CADM2: variants seen among roughly 807,000 people sequenced by gnomAD.
CADM2 encodes cell adhesion molecule 2, also known as immunoglobulin superfamily member 4D.
CADM2 carries 12 observed loss-of-function variants against 49.8 expected under a neutral mutation model. That is an observed-to-expected ratio of 0.24 (90% CI 0.15 to 0.39). The LOEUF is 0.39. CADM2 is among the 10% of genes least tolerant of loss of function. CADM2 has a pLI of 1.00. For missense variants in CADM2, 378 were observed against 492.3 expected (o/e 0.77, Z 2.20); for synonymous variants, 214 against 175.4 (o/e 1.22, Z -1.74).
chr3:85,819,591 T>C (rs1178988492), intron 3 of CADM2, among the ~76,000 whole-genome samples: 1 of 152,132 alleles, frequency 6.6e-6, no homozygotes, highest in Non-Finnish European at 1.5e-5. Flanking sequence ...CATCCATTTA[T>C]GGTAGAGAAG....
chr3:86,027,044 A>C (rs1030082244), intron 8 of CADM2, among the ~76,000 whole-genome samples: 28 of 152,208 alleles, frequency 1.8e-4, no homozygotes, highest in African/African-American at 6.8e-4. Flanking sequence ...ACAATTCAGA[A>C]GGAAGAATAA....
intron 1 of CADM2, among the ~76,000 whole-genome samples, chr3:85,570,345 G>C (rs2062439486): frequency 6.6e-6 from 1 of 151,976 alleles, no homozygotes; most frequent in Admixed American, 6.6e-5. Flanking sequence ...AAATATTACA[G>C]AGGAAATCTT....
intron 8 of CADM2, chr3:86,013,841 T>C (rs1026069446): frequency 4.5e-5 from 71 of 1,591,664 alleles, no homozygotes; most frequent in Non-Finnish European, 5.9e-5. Flanking sequence ...TTGTGTCTAG[T>C]GGATTTTCTT....
intron 1 of CADM2, among the ~76,000 whole-genome samples, chr3:85,530,611 G>A (rs1181134796): frequency 6.6e-6 from 1 of 151,984 alleles, no homozygotes. Context: ...TTACAGGCGT[G>A]AGCCACTGCG....
At chr3:85,816,261 C>T (rs1391144408) in intron 3 of CADM2, among the ~76,000 whole-genome samples, 1 of 150,140 alleles carries the variant, frequency 6.7e-6, no homozygotes, top group South Asian at 2.1e-4. Context: ...AAACTTAGCT[C>T]TAGAGCACCA....
At chr3:85,315,256 T>G in intron 1 of CADM2, among the ~76,000 whole-genome samples, 1 of 152,182 alleles carries the variant, frequency 6.6e-6, no homozygotes, top group East Asian at 1.9e-4. Flanking sequence ...CTTGAAAGTA[T>G]TCTCCCCTCT....
chr3:85,978,058 G>T (rs1462057110), intron 8 of CADM2, among the ~76,000 whole-genome samples: 1 of 151,546 alleles, frequency 6.6e-6, no homozygotes, highest in African/African-American at 2.4e-5. Context: ...ATATATGAGG[G>T]CTATGTGACA....
At chr3:85,645,578 G>A (rs1237104523) in intron 1 of CADM2, among the ~76,000 whole-genome samples, 1 of 151,004 alleles carries the variant, frequency 6.6e-6, no homozygotes. Flanking sequence ...TAATTTTAAG[G>A]GTATATTTAC....
chr3:86,056,793 C>G (rs1738041234), intron 8 of CADM2, among the ~76,000 whole-genome samples: 1 of 152,084 alleles, frequency 6.6e-6, no homozygotes, highest in Non-Finnish European at 1.5e-5. Flanking sequence ...TAGTATGGCC[C>G]AAAACGTTGT....
At chr3:85,361,054 A>G (rs72905427) in intron 1 of CADM2, among the ~76,000 whole-genome samples, 6,051 of 152,244 alleles carry the variant, frequency 0.04, 408 homozygotes, top group African/African-American at 0.14. Flanking sequence ...CATCAGAAAA[A>G]ACGTGTGTCA....
chr3:85,540,075 C>T (rs373112211), intron 1 of CADM2, among the ~76,000 whole-genome samples: 4 of 152,052 alleles, frequency 2.6e-5, no homozygotes, highest in East Asian at 1.9e-4. Context: ...TCTATTCTCC[C>T]GTAAGTGCGA....
chr3:85,043,751 C>T (rs1480837423), intron 1 of CADM2, among the ~76,000 whole-genome samples: 4 of 152,066 alleles, frequency 2.6e-5, no homozygotes, highest in Non-Finnish European at 5.9e-5. Flanking sequence ...CCAATACTGT[C>T]TTCCTTTTCT....
chr3:85,586,963 G>T (rs2062962073), intron 1 of CADM2, among the ~76,000 whole-genome samples: 1 of 152,028 alleles, frequency 6.6e-6, no homozygotes, highest in Non-Finnish European at 1.5e-5. Flanking sequence ...TTGCCACATG[G>T]AGATTCCAGT....
rs577554710 is a variant in CADM2, at chr3:86,027,343, A to G, written c.971-38262A>G. On this transcript the variant is annotated intron_variant, in intron 8 of 9. Coordinates refer to ENST00000383699, the MANE Select transcript of CADM2 (RefSeq NM_001167675.2). Reference sequence around the variant, plus strand: ...TATTGGAAGGCAAAAGTATTTTCCCATTATGTAATGTTATTTATAAACCAA... The same window carrying G: ...TATTGGAAGGCAAAAGTATTTTCCCGTTATGTAATGTTATTTATAAACCAA... Among the ~76,000 whole-genome samples the G allele has an allele frequency of 2.0e-5, 3 of 152,290 alleles. No individual in the cohort carries two copies. In the South Asian group the frequency reaches 6.2e-4, roughly 32 times the overall value.
chr3:85,452,457 T>C (rs960209313), intron 1 of CADM2, among the ~76,000 whole-genome samples: 1 of 152,118 alleles, frequency 6.6e-6, no homozygotes, highest in Non-Finnish European at 1.5e-5. Flanking sequence ...ATAATTACAA[T>C]AGTACTGGCT....
chr3:85,359,666 A>ATATATATATATTTTTTTTT, intron 1 of CADM2, among the ~76,000 whole-genome samples: 9 of 26,554 alleles, frequency 3.4e-4, no homozygotes, highest in Admixed American at 5.8e-4. Context: ...ATATATATAT[A>ATATATATATATTTTTTTTT]TTTTTTTTTT....
intron 1 of CADM2, among the ~76,000 whole-genome samples, chr3:85,231,619 A>T (rs2042290474): frequency 6.6e-6 from 1 of 151,656 alleles, no homozygotes; most frequent in Admixed American, 6.6e-5. Context: ...AATAAAAGAG[A>T]TATAGATGGA....
chr3:85,100,452 A>T (rs1191333629), intron 1 of CADM2, among the ~76,000 whole-genome samples: 1 of 152,188 alleles, frequency 6.6e-6, no homozygotes, highest in African/African-American at 2.4e-5. Flanking sequence ...ATCCTAATGC[A>T]TTGAAAAATA....
chr3:85,319,743 A>C (rs2044554511), intron 1 of CADM2, among the ~76,000 whole-genome samples: 1 of 152,142 alleles, frequency 6.6e-6, no homozygotes, highest in Non-Finnish European at 1.5e-5. Context: ...GGACATAAAG[A>C]GGGGAACAAC....
Sources: allele counts gnomAD v4.1 joint callset (sites outside exome capture counted in the v4.1 genomes callset), GRCh38; gene constraint gnomAD v4.1.1; transcripts MANE v1.5; gene names NCBI Gene and HGNC (gene_info 2026-07-23, HGNC 2026-07-21).